TAF4B: variants seen among roughly 807,000 people sequenced by gnomAD.
The protein encoded by TAF4B is TATA-box binding protein associated factor 4b.
In TAF4B, 38 loss-of-function variants were observed where a neutral mutation model predicts 86.4. That is an observed-to-expected ratio of 0.44 (90% CI 0.34 to 0.58). TAF4B has a LOEUF of 0.58. TAF4B is among the 20% of genes least tolerant of loss of function. TAF4B has a pLI of 0.02. For missense variants in TAF4B, 988 were observed against 1,027.6 expected (o/e 0.96, Z 0.53); for synonymous variants, 388 against 391.2 (o/e 0.99, Z 0.10).
Position 26,351,151 on chromosome 18 carries a change from G to A in TAF4B, c.2317-6539G>A, listed in dbSNP as rs555460565. 6.6e-5 allele frequency among the ~76,000 whole-genome samples: 10 copies of A among 152,158 alleles called. 1 individual carries two copies. Among genetic ancestry groups the A allele is most frequent in the Admixed American group, 6.5e-4 (10 of 15,284 alleles). ...CAACAGATGAATGGATAAAGAAAAT[G>A]TGCTATATATACACAGTGGAATACT... is the stretch of plus-strand genomic sequence containing the variant. On this transcript the variant is annotated intron_variant, in intron 13 of 14. Transcript: ENST00000269142.
At chr18:26,314,590 A>G (rs1386409257) in intron 9 of TAF4B, among the ~76,000 whole-genome samples, 1 of 152,212 alleles carries the variant, frequency 6.6e-6, no homozygotes, top group East Asian at 1.9e-4. Flanking sequence ...GGAGCACACC[A>G]AAAGTCTGAA....
chr18:26,362,948 A>G (rs1486941943), intron 14 of TAF4B, among the ~76,000 whole-genome samples: 2 of 152,212 alleles, frequency 1.3e-5, no homozygotes, highest in Non-Finnish European at 2.9e-5. Flanking sequence ...TACACTATTT[A>G]TATAGCATTT....
chr18:26,294,418 T>G (rs1438405829), intron 9 of TAF4B, among the ~76,000 whole-genome samples: 1 of 151,952 alleles, frequency 6.6e-6, no homozygotes, highest in Non-Finnish European at 1.5e-5. Context: ...GTTATTTATA[T>G]ATCTTTGGTG....
chr18:26,366,150 A>G lies in TAF4B; in HGVS notation c.2421+8356A>G, dbSNP rs143085045. Among the ~76,000 whole-genome samples, 359 of 152,288 alleles carry G rather than the reference A, an allele frequency of 2.4e-3. 1 individual carries two copies. The highest frequency in any genetic ancestry group is 4.6e-3 in the Non-Finnish European group (313 of 68,024). ...CTGCTCATTTTATAAAGGAAGAGTT[A>G]TAGAATTTTTAAAACCAGATCTCTT... is the stretch of plus-strand genomic sequence containing the variant. On this transcript the variant is annotated intron_variant, in intron 14 of 14. Coordinates refer to ENST00000269142, the MANE Select transcript of TAF4B (RefSeq NM_005640.3).
chr18:26,363,108 A>C (rs1413904117), intron 14 of TAF4B, among the ~76,000 whole-genome samples: 1 of 152,082 alleles, frequency 6.6e-6, no homozygotes, highest in African/African-American at 2.4e-5. Context: ...CAGTCCCCCG[A>C]GGATACCAAG....
intron 3 of TAF4B, among the ~76,000 whole-genome samples, chr18:26,269,097 C>T (rs1330358838): frequency 6.6e-6 from 1 of 152,188 alleles, no homozygotes; most frequent in Admixed American, 6.5e-5. Context: ...CCTGGGATTA[C>T]AGGCATGAGC....
chr18:26,340,381 T>C (rs1326667825), intron 13 of TAF4B, among the ~76,000 whole-genome samples: 3 of 152,180 alleles, frequency 2.0e-5, no homozygotes, highest in Non-Finnish European at 2.9e-5. Flanking sequence ...CCAAAACTCA[T>C]GGAGTACTGG....
intron 14 of TAF4B, among the ~76,000 whole-genome samples, chr18:26,386,075 T>G (rs1391987108): frequency 6.6e-6 from 1 of 152,194 alleles, no homozygotes; most frequent in African/African-American, 2.4e-5. Context: ...TGCTATCACC[T>G]TCATAAAGTT....
At chr18:26,236,892 T>C (rs1440470766) in intron 1 of TAF4B, among the ~76,000 whole-genome samples, 2 of 152,148 alleles carry the variant, frequency 1.3e-5, no homozygotes, top group Admixed American at 6.5e-5. Context: ...AATAAACTTA[T>C]CTTTGAGGAT....
At chr18:26,244,913 C>G (rs531202242) in intron 1 of TAF4B, among the ~76,000 whole-genome samples, 141 of 152,264 alleles carry the variant, frequency 9.3e-4, no homozygotes, top group African/African-American at 3.2e-3. Flanking sequence ...TTTGAGAGTT[C>G]CGCTCACTGC....
At chr18:26,350,381 T>C (rs144839778) in intron 13 of TAF4B, among the ~76,000 whole-genome samples, 2 of 152,302 alleles carry the variant, frequency 1.3e-5, no homozygotes, top group Non-Finnish European at 2.9e-5. Flanking sequence ...ATTAACAGAT[T>C]GGCAAATGAG....
At chr18:26,315,157 TCTCTCACACACA>T (rs2056896585) in intron 9 of TAF4B, 60 bp from the exon 10 acceptor site, 3 of 446,340 alleles carry the variant, frequency 6.7e-6, no homozygotes, top group African/African-American at 3.0e-5. Context: ...TCTCTCTCTC[TCTCTCACACACA>T]CACACACACA....
chr18:26,378,964 G>A (rs1567930816), intron 14 of TAF4B, among the ~76,000 whole-genome samples: 1 of 151,950 alleles, frequency 6.6e-6, no homozygotes, highest in Non-Finnish European at 1.5e-5. Context: ...TTCAATATTT[G>A]GCTAGTATGG....
At chr18:26,353,206 T>G (rs2057258936) in intron 13 of TAF4B, among the ~76,000 whole-genome samples, 1 of 152,178 alleles carries the variant, frequency 6.6e-6, no homozygotes, top group South Asian at 2.1e-4. Context: ...TACTTTAGAT[T>G]TGATATAAAA....
Position 26,357,853 on chromosome 18 carries a change from G to A in TAF4B, c.2421+59G>A, listed in dbSNP as rs543714800. ...TGTCAAGAAAGCAAGCCAAAAAGAA[G>A]CAAAGACTTAAAAATAGTTTACCCT... On this transcript the variant is annotated intron_variant, in intron 14 of 14. Coordinates refer to ENST00000269142, the MANE Select transcript of TAF4B (RefSeq NM_005640.3). 49 of 1,333,950 alleles carry A rather than the reference G, an allele frequency of 3.7e-5. No homozygotes were observed. The South Asian group carries it at 6.2e-4, about 17-fold the overall frequency. The allele number at this position is 1,333,950 out of a possible 1,614,324, so 82.6% of individuals were successfully genotyped here.
chr18:26,363,551 A>C (rs2057347186), intron 14 of TAF4B, among the ~76,000 whole-genome samples: 1 of 151,974 alleles, frequency 6.6e-6, no homozygotes, highest in African/African-American at 2.4e-5. Context: ...CCTAAGAAAA[A>C]AATAAAAGAA....
chr18:26,369,137 C>T (rs917307918), intron 14 of TAF4B, among the ~76,000 whole-genome samples: 1 of 151,564 alleles, frequency 6.6e-6, no homozygotes, highest in Non-Finnish European at 1.5e-5. Flanking sequence ...TGGCAAGGAT[C>T]GCCAGATATT....
chr18:26,263,289 G>A (rs1451729310), intron 1 of TAF4B, among the ~76,000 whole-genome samples: 16 of 152,062 alleles, frequency 1.1e-4, no homozygotes, highest in Admixed American at 1.0e-3. Context: ...TGAGTTACAG[G>A]ATATGCAAAT....
intron 1 of TAF4B, among the ~76,000 whole-genome samples, chr18:26,260,042 G>C (rs1440119186): frequency 6.6e-6 from 1 of 152,142 alleles, no homozygotes; most frequent in African/African-American, 2.4e-5. Context: ...CAGTGATGAT[G>C]AGCATTTTTT....
Sources: allele counts gnomAD v4.1 joint callset (sites outside exome capture counted in the v4.1 genomes callset), GRCh38; gene constraint gnomAD v4.1.1; transcripts MANE v1.5; gene names NCBI Gene and HGNC (gene_info 2026-07-23, HGNC 2026-07-21).